Variants in UBE2G1 observed in about 807,000 individuals in gnomAD.
UBE2G1 encodes ubiquitin conjugating enzyme E2 G1.
A neutral mutation model predicts 22.7 loss-of-function variants in UBE2G1; 5 were observed. That is an observed-to-expected ratio of 0.22 (90% CI 0.12 to 0.46). The LOEUF is 0.46. Among genes scored for constraint, UBE2G1 ranks in the 20% least tolerant of loss-of-function variants. The probability of loss-of-function intolerance (pLI) is 0.99; values close to 1 mark genes in which losing one functional copy is unlikely to be tolerated. For synonymous variants in UBE2G1, 74 were observed against 67.5 expected, an observed-to-expected ratio of 1.10 and a Z score of -0.47; for missense variants, 88 against 203.9, an observed-to-expected ratio of 0.43 and a Z score of 3.46.
rs1297075411 is a variant in UBE2G1 at position 4,323,538 on chromosome 17, A to T, written c.47-16415T>A. 2.0e-5 allele frequency among the ~76,000 whole-genome samples: 3 copies of T among 152,322 alleles called. No homozygotes were observed. In the East Asian group the frequency reaches 5.8e-4, roughly 29 times the overall value. ...AAGTTTAGAGAAAGTCATCTCCCAAAGGAAAAATTATTAGATCTTACTAAG... is the reference window on the plus strand; with the variant it reads ...AAGTTTAGAGAAAGTCATCTCCCAATGGAAAAATTATTAGATCTTACTAAG... On this transcript the variant is annotated intron_variant, in intron 1 of 5. Transcript: ENST00000396981.
chr17:4,286,910 T>C (rs905519681), intron 4 of UBE2G1, among the ~76,000 whole-genome samples: 1 of 151,996 alleles, frequency 6.6e-6, no homozygotes. Flanking sequence ...CTGGGCGTGG[T>C]TCCGCACGTC....
intron 2 of UBE2G1, among the ~76,000 whole-genome samples, chr17:4,305,373 C>G (rs1162096410): frequency 6.6e-6 from 1 of 152,244 alleles, no homozygotes; most frequent in Non-Finnish European, 1.5e-5. Context: ...AATATGCTCT[C>G]TCTTTCCTGA....
chr17:4,275,776 C>T (rs1043653382), intron 5 of UBE2G1, among the ~76,000 whole-genome samples: 5 of 152,134 alleles, frequency 3.3e-5, no homozygotes, highest in Non-Finnish European at 7.3e-5. Flanking sequence ...TTCCCCATTA[C>T]CCTTCACAAA....
At chr17:4,338,402 T>C (rs1482166981) in intron 1 of UBE2G1, among the ~76,000 whole-genome samples, 1 of 152,184 alleles carries the variant, frequency 6.6e-6, no homozygotes, top group African/African-American at 2.4e-5. Flanking sequence ...ATATAAATTG[T>C]CAAAAGCATC....
chr17:4,352,455 T>C (rs555062950), intron 1 of UBE2G1, among the ~76,000 whole-genome samples: 25 of 152,298 alleles, frequency 1.6e-4, no homozygotes, highest in Admixed American at 1.5e-3. Flanking sequence ...GGTTCTGCTA[T>C]TGCAAATAAG....
At chr17:4,273,817 T>C (rs1017699774) in intron 5 of UBE2G1, among the ~76,000 whole-genome samples, 12 of 152,290 alleles carry the variant, frequency 7.9e-5, no homozygotes, top group African/African-American at 1.9e-4. Context: ...TCTGAATCCA[T>C]TGCCATGCAC....
chr17:4,285,505 C>A (rs1968951661), intron 4 of UBE2G1, among the ~76,000 whole-genome samples: 1 of 152,056 alleles, frequency 6.6e-6, no homozygotes, highest in Non-Finnish European at 1.5e-5. Context: ...TTGCCACATA[C>A]CCTAAAACAT....
intron 1 of UBE2G1, among the ~76,000 whole-genome samples, chr17:4,324,333 A>G (rs1228358068): frequency 2.0e-5 from 3 of 152,242 alleles, no homozygotes; most frequent in African/African-American, 7.2e-5. Context: ...CTGCAAATGT[A>G]AAATATAAAC....
At chr17:4,326,554 A>G (rs1969505668) in intron 1 of UBE2G1, among the ~76,000 whole-genome samples, 1 of 152,224 alleles carries the variant, frequency 6.6e-6, no homozygotes, top group African/African-American at 2.4e-5. Flanking sequence ...ACTTAGAATT[A>G]CCATATGATC....
chr17:4,302,146 CT>C, intron 2 of UBE2G1: 2 of 520,164 alleles, frequency 3.8e-6, no homozygotes, highest in Non-Finnish European at 3.9e-6. Context: ...GCCATGTTCC[CT>C]TTTATTGGAC....
At chr17:4,282,956 T>C (rs1968912631) in intron 4 of UBE2G1, 35 bp from the exon 5 acceptor site, 2 of 1,500,622 alleles carry the variant, frequency 1.3e-6, no homozygotes, top group Middle Eastern at 1.7e-4. Flanking sequence ...AGTGATTTCA[T>C]GCAAACTCCC....
chr17:4,274,353 A>G (rs1968797353), intron 5 of UBE2G1, among the ~76,000 whole-genome samples: 2 of 151,986 alleles, frequency 1.3e-5, no homozygotes, highest in Non-Finnish European at 2.9e-5. Context: ...GCCTGCCACC[A>G]TGCCCGGCTA....
At chr17:4,311,936 C>CA (rs940689249) in intron 1 of UBE2G1, among the ~76,000 whole-genome samples, 3 of 151,928 alleles carry the variant, frequency 2.0e-5, no homozygotes, top group Admixed American at 2.0e-4. Context: ...TTGTTAGGGA[C>CA]AAAAAATACA....
At chr17:4,283,770 A>G (rs986939) in intron 4 of UBE2G1, among the ~76,000 whole-genome samples, 144,902 of 152,120 alleles carry the variant, frequency 0.95, 69,455 homozygotes, top group East Asian at 1. Flanking sequence ...TGGAGGAGAG[A>G]GGAAACAAAG....
intron 1 of UBE2G1, among the ~76,000 whole-genome samples, chr17:4,310,696 T>A (rs1017178537): frequency 1.3e-5 from 2 of 152,162 alleles, no homozygotes; most frequent in East Asian, 3.9e-4. Flanking sequence ...AGTGACCTCA[T>A]GAGATTTACA....
chr17:4,348,435 C>T (rs941730222), intron 1 of UBE2G1, among the ~76,000 whole-genome samples: 3 of 150,472 alleles, frequency 2.0e-5, no homozygotes, highest in African/African-American at 7.3e-5. Flanking sequence ...CGCCTGTAGT[C>T]CCAGCTACTT....
chr17:4,349,289 C>A (rs1969816630), intron 1 of UBE2G1, among the ~76,000 whole-genome samples: 2 of 152,098 alleles, frequency 1.3e-5, no homozygotes, highest in African/African-American at 4.8e-5. Context: ...CACTGCACTC[C>A]AGCCTAGGAC....
At chr17:4,294,732 T>C (rs1447985418) in intron 3 of UBE2G1, among the ~76,000 whole-genome samples, 2 of 151,908 alleles carry the variant, frequency 1.3e-5, no homozygotes, top group Non-Finnish European at 2.9e-5. Flanking sequence ...GCCAACAACA[T>C]GGTGAAACCC....
chr17:4,311,638 C>T (rs967812554), intron 1 of UBE2G1, among the ~76,000 whole-genome samples: 22 of 151,954 alleles, frequency 1.4e-4, no homozygotes, highest in Non-Finnish European at 2.9e-4. Context: ...AGAAAGGGGG[C>T]GTAATTACTT....
Sources: gnomAD v4.1 joint callset for allele counts (sites outside exome capture counted in the v4.1 genomes callset) on GRCh38, gnomAD v4.1.1 for gene constraint, MANE v1.5 for transcripts, NCBI Gene and HGNC (gene_info 2026-07-23, HGNC 2026-07-21) for gene names.